HACD3: variants seen among roughly 807,000 people sequenced by gnomAD.
HACD3 encodes the protein 3-hydroxyacyl-CoA dehydratase 3, also known as very-long-chain (3R)-3-hydroxyacyl-CoA dehydratase 3.
Under a neutral mutation model 55.2 loss-of-function variants are expected in HACD3, and 30 were observed. That is an observed-to-expected ratio of 0.54 (90% CI 0.41 to 0.74). The LOEUF is 0.74. Among genes scored for constraint, HACD3 ranks in the 30% least tolerant of loss-of-function variants. The pLI is 0.00. For missense variants in HACD3, 363 were observed against 440.1 expected, an observed-to-expected ratio of 0.82 and a Z score of 1.57; for synonymous variants, 141 against 151.7, an observed-to-expected ratio of 0.93 and a Z score of 0.52.
At chr15:65,561,390 T>C (rs2072242831) in intron 5 of HACD3, among the ~76,000 whole-genome samples, 2 of 151,458 alleles carry the variant, frequency 1.3e-5, no homozygotes, top group Admixed American at 1.3e-4. Flanking sequence ...TGCTTGAACC[T>C]GGGAGGTGGA....
chr15:65,571,572 C>T lies in HACD3; in HGVS notation c.798C>T (p.Cys266=). The T allele has an allele frequency of 6.2e-7, 1 of 1,613,596 alleles. No individual in the cohort carries two copies. Among genetic ancestry groups the T allele is most frequent in the South Asian group, 1.1e-5 (1 of 91,062 alleles). ...IFRYSFYMLT[C]IDMDWKVLTW... Reference sequence around the variant, plus strand: ...GGTACTCTTTCTACATGCTGACGTGCATTGACATGGATTGGAAGGTGCTCA... The same window carrying T: ...GGTACTCTTTCTACATGCTGACGTGTATTGACATGGATTGGAAGGTGCTCA... The change falls in exon 9 of 11, where the codon TGC becomes TGT. Residue 266 remains cysteine (C), a synonymous_variant. Transcript: ENST00000261875.
chr15:65,567,497 C>T (rs1021992895), intron 7 of HACD3, among the ~76,000 whole-genome samples: 1 of 152,188 alleles, frequency 6.6e-6, no homozygotes, highest in East Asian at 1.9e-4. Flanking sequence ...TGTTAGTTCT[C>T]ATATTTCCCT....
chr15:65,559,699 A>G (rs2072226777), intron 5 of HACD3, among the ~76,000 whole-genome samples: 1 of 151,894 alleles, frequency 6.6e-6, no homozygotes. Flanking sequence ...AAATATTTGA[A>G]TAGCGACTAC....
intron 1 of HACD3, among the ~76,000 whole-genome samples, chr15:65,534,159 A>G (rs2071931603): frequency 6.6e-6 from 1 of 152,196 alleles, no homozygotes; most frequent in African/African-American, 2.4e-5. Context: ...GTCTATCATT[A>G]AGCTAGGTGT....
At chr15:65,530,861 G>A (rs907760895) in intron 1 of HACD3, 143 bp downstream of exon 1, 15 of 805,922 alleles carry the variant, frequency 1.9e-5, no homozygotes, top group Non-Finnish European at 2.8e-5. Context: ...CTTACGGCGT[G>A]CTGGCGCTTT....
chr15:65,561,080 T>C (rs1295440828), intron 5 of HACD3, among the ~76,000 whole-genome samples: 1 of 152,158 alleles, frequency 6.6e-6, no homozygotes, highest in African/African-American at 2.4e-5. Context: ...ATCAGGGTTG[T>C]TTTTTTCATT....
chr15:65,576,382 A>C lies in HACD3; in HGVS notation c.*3A>C. Reference sequence around the variant, plus strand: ...AAAAAAAGAAAAAGATCCACTAAAAAGAAAGATTTAGATGGCTTCTTGCCA... The same window carrying C: ...AAAAAAAGAAAAAGATCCACTAAAACGAAAGATTTAGATGGCTTCTTGCCA... On this transcript the variant is annotated 3_prime_UTR_variant, in exon 11 of 11. Transcript: ENST00000261875. 1 of 1,595,106 alleles carries C rather than the reference A, an allele frequency of 6.3e-7. No individual in the cohort carries two copies. The highest frequency in any genetic ancestry group is 8.5e-7 in the Non-Finnish European group (1 of 1,170,388).
Position 65,558,665 on chromosome 15 carries a change from T to C in HACD3, c.370-15T>C. ...TCTAACTTGTGTTCTTGGAAAACTT[T>C]TGTCTAAATTCTAGGAAGAAGAGCG... On this transcript the variant is annotated splice_polypyrimidine_tract_variant and intron_variant, in intron 4 of 10. Coordinates refer to ENST00000261875, the MANE Select transcript of HACD3 (RefSeq NM_016395.4). 6.3e-7 allele frequency: 1 copy of C among 1,586,006 alleles called. No individual in the cohort carries two copies. The highest frequency in any genetic ancestry group is 8.6e-7 in the Non-Finnish European group (1 of 1,165,472).
rs771321368 is a variant in HACD3 at position 65,554,890 on chromosome 15, A to G, written c.134A>G (p.Gln45Arg). ...ACCCACATTTCTTTCTTTATAGCTC[A>G]AGGACATGGTGCCAAAGGAGACAAT... ...ITENVLHFKA[Q>R]GHGAKGDNVY... is the part of the protein sequence containing the mutation. Residue 45 changes from glutamine to arginine, a missense_variant, in exon 3 of 11, where the codon CAA (glutamine) becomes CGA (arginine). Transcript: ENST00000261875. 1.9e-5 allele frequency: 31 copies of G among 1,610,876 alleles called. No homozygotes were observed. The highest frequency in any genetic ancestry group is 6.7e-5 in the East Asian group (3 of 44,852).
intron 7 of HACD3, 121 bp downstream of exon 7, chr15:65,564,463 AAAAG>A (rs2072272895): frequency 1.0e-5 from 13 of 1,287,878 alleles, no homozygotes; most frequent in African/African-American, 1.5e-5. Flanking sequence ...GGCAGTTTAC[AAAAG>A]AAAGAGGTTT....
At chr15:65,553,639 A>C (rs1486666461) in intron 2 of HACD3, among the ~76,000 whole-genome samples, 1 of 152,230 alleles carries the variant, frequency 6.6e-6, no homozygotes, top group Non-Finnish European at 1.5e-5. Flanking sequence ...TTTTTTGGGA[A>C]TTATATACAT....
intron 1 of HACD3, among the ~76,000 whole-genome samples, chr15:65,536,483 G>C (rs372978893): frequency 8.5e-5 from 13 of 152,160 alleles, no homozygotes; most frequent in Non-Finnish European, 1.6e-4. Context: ...CAATGGGGTC[G>C]GGTGTGATGG....
intron 9 of HACD3, among the ~76,000 whole-genome samples, chr15:65,571,908 T>C (rs761503813): frequency 3.1e-4 from 47 of 152,224 alleles, no homozygotes; most frequent in Admixed American, 5.9e-4. Context: ...CTTTTAGTAT[T>C]CCAAAGGGGG....
intron 7 of HACD3, among the ~76,000 whole-genome samples, chr15:65,568,654 C>T (rs896819112): frequency 8.6e-5 from 13 of 152,004 alleles, no homozygotes; most frequent in African/African-American, 3.1e-4. Context: ...CCACCGCACC[C>T]AGCCATTATG....
chr15:65,544,506 A>G (rs1356657130), intron 1 of HACD3, among the ~76,000 whole-genome samples: 1 of 152,190 alleles, frequency 6.6e-6, no homozygotes, highest in Non-Finnish European at 1.5e-5. Flanking sequence ...CATTGGGGGA[A>G]ACTAGGAAAA....
In HACD3 at chr15:65,530,571, C is replaced by G. The variant is rs1250423919; in HGVS notation, c.-61C>G. On this transcript the variant is annotated 5_prime_UTR_variant, in exon 1 of 11. Coordinates refer to ENST00000261875, the MANE Select transcript of HACD3 (RefSeq NM_016395.4). ...CTGCTTTCTGCTCGCGCCAGCAGAG[C>G]ACTACCTGAGGCAGCGAGGCGCAGC... 5 of 1,456,370 alleles carry G rather than the reference C, an allele frequency of 3.4e-6. No individual in the cohort carries two copies. In the Admixed American group the frequency reaches 6.1e-5, roughly 18 times the overall value. 90.2% of individuals were successfully genotyped at this position (1,456,370 alleles called of 1,614,324 possible). A position where few individuals can be genotyped will look rare whatever the true frequency, so the allele number is the denominator to read the frequency against.
intron 1 of HACD3, among the ~76,000 whole-genome samples, chr15:65,545,610 ATTT>A (rs71139415): frequency 3.0e-3 from 429 of 143,134 alleles, no homozygotes; most frequent in Admixed American, 3.3e-3. Context: ...GGCCCGGCTA[ATTT>A]TTTTTTTTTT....
chr15:65,570,485 A>G (rs1037964113), intron 8 of HACD3, among the ~76,000 whole-genome samples: 2 of 152,222 alleles, frequency 1.3e-5, no homozygotes, highest in Non-Finnish European at 2.9e-5. Context: ...GCAGTCTTGG[A>G]AAGAGAGGAC....
At position 65,549,081 on chromosome 15, in the gene HACD3, G is replaced by A. The variant is rs1450171432; in HGVS notation, c.88-2595G>A. On this transcript the variant is annotated intron_variant, in intron 1 of 10. Transcript: ENST00000261875. Reference sequence around the variant, plus strand: ...CAGTTTCTTTTCTTGTAAGAGATGGGCTAGGTTGTGTAGATTGAGCTTTCT... The same window carrying A: ...CAGTTTCTTTTCTTGTAAGAGATGGACTAGGTTGTGTAGATTGAGCTTTCT... 2.0e-5 allele frequency among the ~76,000 whole-genome samples: 3 copies of A among 152,146 alleles called. No homozygotes were observed. The East Asian group carries it at 5.8e-4, about 29-fold the overall frequency.
Sources: allele counts gnomAD v4.1 joint callset (sites outside exome capture counted in the v4.1 genomes callset), GRCh38; gene constraint gnomAD v4.1.1; transcripts MANE v1.5; gene names NCBI Gene and HGNC (gene_info 2026-07-23, HGNC 2026-07-21).